MED18: variants seen among roughly 807,000 people sequenced by gnomAD.
MED18 encodes mediator complex subunit 18, also known as mediator of RNA polymerase II transcription subunit 18.
In MED18, 10 loss-of-function variants were observed where a neutral mutation model predicts 13.9. That is an observed-to-expected ratio of 0.72 (90% confidence interval 0.44 to 1.22). The LOEUF (loss-of-function observed/expected upper bound fraction) is 1.22. MED18 is among the 50% of genes most tolerant of loss of function. MED18 has a pLI of 0.00. For missense variants in MED18, 216 were observed against 279.0 expected, an observed-to-expected ratio of 0.77 and a Z score of 1.61; for synonymous variants, 88 against 93.2, an observed-to-expected ratio of 0.94 and a Z score of 0.32.
rs145833779 is a variant in MED18 at position 28,334,911 on chromosome 1, G to T, written c.568G>T (p.Ala190Ser). ...GGTCTCTGATGACATGAAGAACTTC[G>T]CAGAACAGCTAAAACCTCTGGTTCA... ...DMVSDDMKNF[A>S]EQLKPLVHLE... Residue 190 changes from alanine (A) to serine (S), a missense_variant, in exon 3 of 3, where the codon GCA (alanine) becomes TCA (serine). By Grantham distance (99) the Ala-to-Ser change is moderately conservative (BLOSUM62 1). Coordinates refer to ENST00000373842, the MANE Select transcript of MED18 (RefSeq NM_017638.3). 14 of 1,613,992 alleles carry T rather than the reference G, an allele frequency of 8.7e-6. No individual in the cohort carries two copies. The highest frequency in any genetic ancestry group is 1.2e-5 in the Non-Finnish European group (14 of 1,180,028).
chr1:28,330,647 C>G lies in MED18; in HGVS notation c.-16C>G, dbSNP rs772786082. On this transcript the variant is annotated 5_prime_UTR_variant, in exon 2 of 3. Coordinates refer to ENST00000373842, the MANE Select transcript of MED18 (RefSeq NM_017638.3). ...GGGGCTCTGAGTCCAGTTGTGTTGT[C>G]TTCAACTTAGACACCATGGAGGCAC... 2 of 1,603,172 alleles carry G rather than the reference C, an allele frequency of 1.2e-6. No homozygotes were observed. The highest frequency in any genetic ancestry group is 1.7e-6 in the Non-Finnish European group (2 of 1,175,108).
intron 2 of MED18, among the ~76,000 whole-genome samples, chr1:28,333,129 T>C (rs1649798338): frequency 6.6e-6 from 1 of 152,176 alleles, no homozygotes; most frequent in Admixed American, 6.5e-5. Context: ...CAGTTTGATA[T>C]TGAACATGTT....
At chr1:28,332,998 G>C (rs570169787) in intron 2 of MED18, among the ~76,000 whole-genome samples, 1 of 152,132 alleles carries the variant, frequency 6.6e-6, no homozygotes, top group Non-Finnish European at 1.5e-5. Flanking sequence ...AAAGAAAGAG[G>C]GTGTGAGTCA....
chr1:28,330,581 G>A lies in MED18; in HGVS notation c.-66-16G>A. 1 of 1,060,838 alleles carries A rather than the reference G, an allele frequency of 9.4e-7. No individual in the cohort carries two copies. Among genetic ancestry groups the A allele is most frequent in the Non-Finnish European group, 1.4e-6 (1 of 714,582 alleles). The allele number at this position is 1,060,838 out of a possible 1,614,324, so 65.7% of individuals were successfully genotyped here. On this transcript the variant is annotated splice_polypyrimidine_tract_variant and intron_variant, in intron 1 of 2. Coordinates refer to ENST00000373842, the MANE Select transcript of MED18 (RefSeq NM_017638.3). ...CTCCACCACTTTGATGTATAAACAA[G>A]TGAACTCTTTTCCAGGTATATCCCG...
chr1:28,329,237 A>G (rs1329837631), intron 1 of MED18, 57 bp downstream of exon 1: 1 of 147,098 alleles, frequency 6.8e-6, no homozygotes, highest in African/African-American at 2.6e-5. Flanking sequence ...AGAAGGACCT[A>G]TATACCATCA....
chr1:28,330,847 T>G, intron 2 of MED18, 112 bp downstream of exon 2: 1 of 693,046 alleles, frequency 1.4e-6, no homozygotes, highest in African/African-American at 1.9e-5. Flanking sequence ...CACCCAGCTA[T>G]GTTTTTAACT....
intron 2 of MED18, among the ~76,000 whole-genome samples, chr1:28,333,982 G>T (rs929861016): frequency 1.3e-5 from 2 of 152,154 alleles, no homozygotes; most frequent in African/African-American, 4.8e-5. Flanking sequence ...ATGGTGGCTT[G>T]TGCCTGTAAT....
At chr1:28,334,284 C>A in intron 2 of MED18, 133 bp from the exon 3 acceptor site, 1 of 949,938 alleles carries the variant, frequency 1.1e-6, no homozygotes, top group South Asian at 1.7e-5. Flanking sequence ...TGTAAAATCT[C>A]ATGTTTGGCT....
intron 1 of MED18, chr1:28,330,225 A>G (rs1649665540): frequency 6.4e-6 from 1 of 155,312 alleles, no homozygotes; most frequent in Non-Finnish European, 1.4e-5. Context: ...CAGTGAACAG[A>G]GATTGCGCCA....
intron 2 of MED18, 21 bp downstream of exon 2, chr1:28,330,756 G>A (rs1649696230): frequency 6.4e-7 from 1 of 1,568,360 alleles, no homozygotes. Flanking sequence ...TAGGGAACTT[G>A]GATTACCTGT....
At position 28,334,793 on chromosome 1, in the gene MED18, CA is replaced by C. The variant is rs755050855; in HGVS notation, c.451del (p.Ile151SerfsTer21). The C allele has an allele frequency of 6.2e-7, 1 of 1,614,194 alleles. No individual in the cohort carries two copies. The highest frequency in any genetic ancestry group is 1.1e-5 in the South Asian group (1 of 91,086). On this transcript the variant is annotated frameshift_variant, in exon 3 of 3. Transcript: ENST00000373842. LOFTEE classifies it high-confidence loss of function. ...AGATTATGGTGTACAAGATTTTCCG[CA>C]TCCTGGTGCCAGGGAACACAGACAG... ...MKIMVYKIFRILVPGNTDSTE... is the reference protein window; with the variant it reads ...MKIMVYKIFRXLVPGNTDSTE...
Position 28,335,229 on chromosome 1 carries a change from A to G in MED18, c.*259A>G, listed in dbSNP as rs1422504197. The G allele has an allele frequency of 2.6e-6, 1 of 389,254 alleles. No individual in the cohort carries two copies. Among genetic ancestry groups the G allele is most frequent in the Non-Finnish European group, 4.7e-6 (1 of 212,014 alleles). 24.1% of individuals were successfully genotyped at this position (389,254 alleles called of 1,614,324 possible). A position where few individuals can be genotyped will look rare whatever the true frequency, so the allele number is the denominator to read the frequency against. On this transcript the variant is annotated 3_prime_UTR_variant, in exon 3 of 3. Transcript: ENST00000373842. Reference sequence around the variant, plus strand: ...GCTAATTTTTGTATTTTTAGTAGAAATGGGGATTCACCATGTTGGTCAGGC... The same window carrying G: ...GCTAATTTTTGTATTTTTAGTAGAAGTGGGGATTCACCATGTTGGTCAGGC...
At chr1:28,332,965 G>C (rs1216338103) in intron 2 of MED18, among the ~76,000 whole-genome samples, 1 of 152,172 alleles carries the variant, frequency 6.6e-6, no homozygotes, top group Non-Finnish European at 1.5e-5. Context: ...TCAAAAATAC[G>C]GATTCAATGG....
In MED18 at chr1:28,329,681, G is replaced by A. The variant is rs78733079; in HGVS notation, c.-67+501G>A. 4.2e-3 allele frequency among the ~76,000 whole-genome samples: 638 copies of A among 152,244 alleles called. 11 individuals are homozygous for A. Among genetic ancestry groups the A allele is most frequent in the African/African-American group, 0.015 (620 of 41,546 alleles). On this transcript the variant is annotated intron_variant, in intron 1 of 2. Transcript: ENST00000373842. ...ACTCGGCTTGAGCCCAGGAGTTCGAGGTTATAGTGAGCTAGGAACTCCCCA... is the reference window on the plus strand; with the variant it reads ...ACTCGGCTTGAGCCCAGGAGTTCGAAGTTATAGTGAGCTAGGAACTCCCCA...
rs143360062 is a variant in MED18, at chr1:28,335,349, T to C, written c.*379T>C. 231 of 193,836 alleles carry C rather than the reference T, an allele frequency of 1.2e-3. 1 individual carries two copies. The highest frequency in any genetic ancestry group is 5.0e-3 in the African/African-American group (213 of 42,816). 12.0% of individuals were successfully genotyped at this position (193,836 alleles called of 1,614,324 possible). The stretch of plus-strand genomic sequence containing the variant: ...GCCACCACGCCTGGCCAAAAAAATA[T>C]GTTTTAAATGTCCCATTTCACCATT... On this transcript the variant is annotated 3_prime_UTR_variant, in exon 3 of 3. Transcript: ENST00000373842.
At chr1:28,331,779 C>T (rs182713263) in intron 2 of MED18, among the ~76,000 whole-genome samples, 205 of 151,932 alleles carry the variant, frequency 1.3e-3, no homozygotes, top group Non-Finnish European at 2.2e-3. Flanking sequence ...ATTCTCACTC[C>T]GTTGCCCAGG....
intron 2 of MED18, among the ~76,000 whole-genome samples, chr1:28,333,086 T>C (rs74871050): frequency 0.018 from 2,666 of 152,276 alleles, 82 homozygotes; most frequent in African/African-American, 0.06. Flanking sequence ...TTGAAGACTG[T>C]AGGGTGAATA....
rs1649896032 is a variant in MED18, at chr1:28,335,059, T to C, written c.*89T>C. On this transcript the variant is annotated 3_prime_UTR_variant, in exon 3 of 3. Coordinates refer to ENST00000373842, the MANE Select transcript of MED18 (RefSeq NM_017638.3). The stretch of plus-strand genomic sequence containing the variant: ...TTTGGTTTTTGTTTTGTTTTGTTTT[T>C]GAGACAGAGTCTCGCTTTGTTTCCC... The C allele has an allele frequency of 3.2e-6, 4 of 1,263,890 alleles. No homozygotes were observed. The highest frequency in any genetic ancestry group is 4.4e-6 in the Non-Finnish European group (4 of 919,074). 78.3% of individuals were successfully genotyped at this position (1,263,890 alleles called of 1,614,324 possible). A position where few individuals can be genotyped will look rare whatever the true frequency, so the allele number is the denominator to read the frequency against.
chr1:28,329,082 T>G lies in MED18; in HGVS notation c.-165T>G, dbSNP rs1307405481. 1.3e-5 allele frequency: 2 copies of G among 152,144 alleles called. No homozygotes were observed. The highest frequency in any genetic ancestry group is 4.8e-5 in the African/African-American group (2 of 41,428). 9.4% of individuals were successfully genotyped at this position (152,144 alleles called of 1,614,324 possible). On this transcript the variant is annotated 5_prime_UTR_variant, in exon 1 of 3. Coordinates refer to ENST00000373842, the MANE Select transcript of MED18 (RefSeq NM_017638.3). ...GATCTGGGGGCTTCCCGGGCTCGGG[T>G]AACCGGAGTGCTGGTATCTAATCGT...
Sources: allele counts gnomAD v4.1 joint callset (sites outside exome capture counted in the v4.1 genomes callset), GRCh38; gene constraint gnomAD v4.1.1; transcripts MANE v1.5; gene names NCBI Gene and HGNC (gene_info 2026-07-23, HGNC 2026-07-21).